DENND1A: variants seen among roughly 807,000 people sequenced by gnomAD.
The protein encoded by DENND1A is DENN domain containing 1A.
In DENND1A, 51 loss-of-function variants were observed where a neutral mutation model predicts 113.7. The observed-to-expected ratio is 0.45, with a 90% confidence interval of 0.36 to 0.57. DENND1A has a LOEUF of 0.57. DENND1A is among the 20% of genes least tolerant of loss of function. The pLI, the probability that DENND1A is intolerant of heterozygous loss-of-function variation, is 0.00. For synonymous variants in DENND1A, 565 were observed against 570.8 expected, an observed-to-expected ratio of 0.99 and a Z score of 0.14; for missense variants, 1,258 against 1,395.9, an observed-to-expected ratio of 0.90 and a Z score of 1.57.
rs554769737 is a variant in DENND1A, at chr9:123,898,087, A to T, written c.18-19066T>A. Among the ~76,000 whole-genome samples, 3 of 152,172 alleles carry T rather than the reference A, an allele frequency of 2.0e-5. No individual in the cohort carries two copies. In the South Asian group the frequency reaches 6.2e-4, roughly 32 times the overall value. On this transcript the variant is annotated intron_variant, in intron 1 of 23. Transcript: ENST00000394215. The stretch of plus-strand genomic sequence containing the variant: ...TGAGCAATCCTCCCACCTAAGTGTA[A>T]GCCCTGTGCCCAGCCCAGACTTTGT...
intron 13 of DENND1A, among the ~76,000 whole-genome samples, chr9:123,484,129 A>G (rs1262634262): frequency 1.3e-5 from 2 of 152,214 alleles, no homozygotes; most frequent in African/African-American, 4.8e-5. Flanking sequence ...TTTCTCATTC[A>G]GAATCCTAGC....
chr9:123,624,486 TAACA>T (rs1429746651), intron 10 of DENND1A, among the ~76,000 whole-genome samples: 1 of 152,224 alleles, frequency 6.6e-6, no homozygotes. Flanking sequence ...ATCTTACAGT[TAACA>T]AACAGACACC....
intron 8 of DENND1A, among the ~76,000 whole-genome samples, chr9:123,664,134 G>A (rs1372998849): frequency 6.6e-6 from 1 of 152,162 alleles, no homozygotes; most frequent in Non-Finnish European, 1.5e-5. Flanking sequence ...TTGCTGTTGT[G>A]TGATACACAT....
intron 13 of DENND1A, among the ~76,000 whole-genome samples, chr9:123,509,502 C>T (rs1270708772): frequency 6.6e-6 from 1 of 152,226 alleles, no homozygotes; most frequent in African/African-American, 2.4e-5. Context: ...CTTGCACCAT[C>T]TTCCTTTATG....
At chr9:123,896,756 G>A (rs1299708366) in intron 1 of DENND1A, among the ~76,000 whole-genome samples, 3 of 152,072 alleles carry the variant, frequency 2.0e-5, no homozygotes, top group African/African-American at 7.2e-5. Context: ...TTAAGAGCAG[G>A]AAAGATACAA....
intron 5 of DENND1A, among the ~76,000 whole-genome samples, chr9:123,723,411 A>G (rs1033256922): frequency 3.3e-5 from 5 of 152,252 alleles, no homozygotes; most frequent in Middle Eastern, 3.4e-3. Context: ...AGGCATGATT[A>G]GTTTTGAAAT....
intron 11 of DENND1A, among the ~76,000 whole-genome samples, chr9:123,586,431 T>C (rs984422329): frequency 6.6e-6 from 1 of 152,202 alleles, no homozygotes; most frequent in Admixed American, 6.5e-5. Flanking sequence ...GAGTGTTTAC[T>C]TTTTCAACAA....
intron 2 of DENND1A, among the ~76,000 whole-genome samples, chr9:123,876,332 C>T (rs187021387): frequency 3.9e-5 from 6 of 152,108 alleles, no homozygotes; most frequent in Non-Finnish European, 7.4e-5. Flanking sequence ...AGGGAAAATG[C>T]TGTAAAGGAC....
At chr9:123,756,148 G>A (rs142549175) in intron 5 of DENND1A, among the ~76,000 whole-genome samples, 2 of 152,248 alleles carry the variant, frequency 1.3e-5, no homozygotes, top group Non-Finnish European at 2.9e-5. Context: ...CTGACCACAG[G>A]TGATCCACCC....
rs956209261 is a variant in DENND1A at position 123,522,745 on chromosome 9, A to T, written c.993+34825T>A. On this transcript the variant is annotated intron_variant, in intron 13 of 23. Transcript: ENST00000394215. ...CTATGTCCTGGGCTCCGGGCTGATG[A>T]AAATATCACTTAATTCCTTCAGCTG... Among the ~76,000 whole-genome samples the T allele has an allele frequency of 2.0e-4, 31 of 152,254 alleles. No homozygotes were observed. The East Asian group carries it at 5.8e-3, about 28-fold the overall frequency.
At chr9:123,880,896 A>T (rs1289322393) in intron 1 of DENND1A, among the ~76,000 whole-genome samples, 2 of 152,204 alleles carry the variant, frequency 1.3e-5, no homozygotes, top group East Asian at 3.8e-4. Flanking sequence ...TACCTTAAAT[A>T]AAGGCTTATA....
In DENND1A at chr9:123,381,631, G is replaced by A; in HGVS notation, c.3014C>T (p.Pro1005Leu). 6.2e-7 allele frequency: 1 copy of A among 1,611,534 alleles called. No homozygotes were observed. The highest frequency in any genetic ancestry group is 8.5e-7 in the Non-Finnish European group (1 of 1,179,264). ...GGGAGGCAGAAGCGGGGGGTCTCCAGGCCTCAGGGCCAGCCCCTGCTTGGT... is the reference window on the plus strand; with the variant it reads ...GGGAGGCAGAAGCGGGGGGTCTCCAAGCCTCAGGGCCAGCCCCTGCTTGGT... ...AETKQGLALR[P>L]GDPPLLPPRP... The change falls in exon 24 of 24, where the codon CCT becomes CTT. Residue 1005 changes from proline (P) to leucine (L), a missense_variant. Around this residue, in one of 2 missense-constraint regions of DENND1A, gnomAD observed 1,159 missense variants for 1,231.7 expected, o/e 0.94. Transcript: ENST00000394215. This position sits in a 1 kb window ranked among gnomAD's most constrained non-coding sequence, Gnocchi z 4.7.
chr9:123,671,274 T>G lies in DENND1A; in HGVS notation c.453+17A>C. On this transcript the variant is annotated intron_variant, in intron 7 of 23. Transcript: ENST00000394215. The stretch of plus-strand genomic sequence containing the variant: ...GAAATGCGTTTTCAGTGATGGCTAA[T>G]ACTCCGCCCCACTTACCACGCTGAG... 1 of 1,613,836 alleles carries G rather than the reference T, an allele frequency of 6.2e-7. No individual in the cohort carries two copies. Among genetic ancestry groups the G allele is most frequent in the African/African-American group, 1.3e-5 (1 of 75,014 alleles).
chr9:123,896,899 G>A (rs1428332261), intron 1 of DENND1A, among the ~76,000 whole-genome samples: 1 of 152,198 alleles, frequency 6.6e-6, no homozygotes, highest in Non-Finnish European at 1.5e-5. Flanking sequence ...TACTCTGGAA[G>A]AGAAGAGGAT....
chr9:123,914,303 C>A (rs1269210582), intron 1 of DENND1A, among the ~76,000 whole-genome samples: 6 of 151,712 alleles, frequency 4.0e-5, no homozygotes, highest in Admixed American at 2.6e-4. Context: ...CTTTGGGAGG[C>A]CGAGGTGGGT....
At chr9:123,533,587 T>C (rs2055499401) in intron 13 of DENND1A, among the ~76,000 whole-genome samples, 1 of 152,184 alleles carries the variant, frequency 6.6e-6, no homozygotes, top group Non-Finnish European at 1.5e-5. Flanking sequence ...ACTTGTACAA[T>C]GTCTCAAGCA....
rs933496234 is a variant in DENND1A, at chr9:123,744,560, T to C, written c.302+13143A>G. ...GTTTTCCAAGAATGTTGGACCATTTTACAACCTGATCAACAGTGTGTAAGT... is the reference window on the plus strand; with the variant it reads ...GTTTTCCAAGAATGTTGGACCATTTCACAACCTGATCAACAGTGTGTAAGT... On this transcript the variant is annotated intron_variant, in intron 5 of 23. Transcript: ENST00000394215. Among the ~76,000 whole-genome samples the C allele has an allele frequency of 2.0e-5, 3 of 152,212 alleles. No homozygotes were observed. The South Asian group carries it at 6.2e-4, about 31-fold the overall frequency.
At chr9:123,449,648 A>G (rs2047562071) in intron 18 of DENND1A, among the ~76,000 whole-genome samples, 1 of 152,192 alleles carries the variant, frequency 6.6e-6, no homozygotes. Flanking sequence ...AAGTCCAGAA[A>G]TTCAATCTGG....
chr9:123,438,990 G>A (rs542357250), intron 19 of DENND1A, among the ~76,000 whole-genome samples: 2 of 152,326 alleles, frequency 1.3e-5, no homozygotes, highest in Non-Finnish European at 2.9e-5. Context: ...CCTTTCATGG[G>A]AAGGTTAGTG....
Sources: gnomAD v4.1 joint callset for allele counts (sites outside exome capture counted in the v4.1 genomes callset) on GRCh38, gnomAD v4.1.1 for gene constraint, gnomAD v4.1.1 regional missense constraint, Gnocchi (gnomAD v3.1) non-coding constraint, MANE v1.5 for transcripts, NCBI Gene and HGNC (gene_info 2026-07-23, HGNC 2026-07-21) for gene names.